Variants in DNAH17 observed in about 807,000 individuals in gnomAD.
DNAH17 encodes the protein axonemal beta dynein heavy chain 17.
DNAH17 carries 376 observed loss-of-function variants against 485.6 expected under a neutral mutation model. That is an observed-to-expected ratio of 0.77 (90% CI 0.71 to 0.84). The LOEUF is 0.84. Among genes scored for constraint, DNAH17 ranks in the 40% least tolerant of loss-of-function variants. The pLI is 0.00. For missense variants in DNAH17, 6,370 were observed against 5,839.3 expected (o/e 1.09, Z -2.96); for synonymous variants, 3,031 against 2,405.9 (o/e 1.26, Z -7.60).
chr17:78,461,385 G>A (rs1336979820), intron 58 of DNAH17, among the ~76,000 whole-genome samples, 159 bp downstream of exon 58: 1 of 152,206 alleles, frequency 6.6e-6, no homozygotes, highest in Non-Finnish European at 1.5e-5. Context: ...CCCTGGGAGA[G>A]ACTCCTTCGG....
intron 37 of DNAH17, among the ~76,000 whole-genome samples, chr17:78,497,501 T>C (rs937584832): frequency 2.0e-5 from 3 of 152,210 alleles, no homozygotes; most frequent in African/African-American, 7.2e-5. Flanking sequence ...GAACATTCAG[T>C]GCCCAGAGTA....
At chr17:78,431,001 C>A (rs530146341) in intron 75 of DNAH17, among the ~76,000 whole-genome samples, 137 of 152,178 alleles carry the variant, frequency 9.0e-4, no homozygotes, top group Non-Finnish European at 1.3e-3. Context: ...CCACTTCAGC[C>A]TCCCAAGTAG....
At chr17:78,501,457 T>TGGCC (rs1307737877) in intron 34 of DNAH17, 113 bp from the exon 35 acceptor site, 1 of 1,315,332 alleles carries the variant, frequency 7.6e-7, no homozygotes, top group African/African-American at 1.5e-5. Context: ...GAACCCTCCC[T>TGGCC]GGCCCTCTTT....
In DNAH17 at chr17:78,459,811, A is replaced by G; in HGVS notation, c.9626T>C (p.Ile3209Thr). 1 of 1,614,004 alleles carries G rather than the reference A, an allele frequency of 6.2e-7. No homozygotes were observed. The highest frequency in any genetic ancestry group is 8.5e-7 in the Non-Finnish European group (1 of 1,179,890). ...DSLKKFDKEH[I>T]PEACLKAFKP... Reference sequence around the variant, plus strand: ...GAAGGCCTTCAGGCAGGCCTCAGGGATGTGCTCCTTGTCGAACTTCTTCAG... The same window carrying G: ...GAAGGCCTTCAGGCAGGCCTCAGGGGTGTGCTCCTTGTCGAACTTCTTCAG... The change falls in exon 60 of 81, where the codon ATC (isoleucine) becomes ACC (threonine). Residue 3209 changes from isoleucine (I) to threonine (T), a missense_variant. By Grantham distance (89) the Ile-to-Thr change is moderately conservative. Coordinates refer to ENST00000389840, the MANE Select transcript of DNAH17 (RefSeq NM_173628.4).
Position 78,491,452 on chromosome 17 carries a change from A to G in DNAH17, c.6660T>C (p.Asp2220=), listed in dbSNP as rs114529739. 2.3e-4 allele frequency: 366 copies of G among 1,612,948 alleles called. 4 individuals are homozygous for G. The African/African-American group carries it at 4.7e-3, about 21-fold the overall frequency. Residue 2220 remains aspartate, a synonymous_variant, in exon 43 of 81, where the codon GAT becomes GAC. Coordinates refer to ENST00000389840, the MANE Select transcript of DNAH17 (RefSeq NM_173628.4). ...TCCAGGGCCCGCGAACCTTGTTGTC[A>G]TCCATGACTGTGTTGAGAGACTCGA... is the stretch of plus-strand genomic sequence containing the variant. ...MWIESLNTVM[D]DNKVLTLASN...
chr17:78,544,674 C>G (rs145911799), intron 16 of DNAH17, among the ~76,000 whole-genome samples: 6 of 152,050 alleles, frequency 3.9e-5, no homozygotes, highest in African/African-American at 1.4e-4. Flanking sequence ...TGGTGGCGGG[C>G]ACCTGTAGTC....
intron 49 of DNAH17, 40 bp from the exon 50 acceptor site, chr17:78,479,672 TGGGGACCTGCCTG>T: frequency 6.2e-7 from 1 of 1,607,732 alleles, no homozygotes; most frequent in Non-Finnish European, 8.5e-7. Context: ...AGCCAGCTCT[TGGGGACCTGCCTG>T]GGGCCAGGGC....
chr17:78,531,417 C>A (rs543814529), intron 20 of DNAH17, among the ~76,000 whole-genome samples: 207 of 148,148 alleles, frequency 1.4e-3, no homozygotes, highest in African/African-American at 5.1e-3. Context: ...TGACTCACTG[C>A]AAGCTCCGCC....
intron 36 of DNAH17, 115 bp downstream of exon 36, chr17:78,500,190 A>T: frequency 2.4e-6 from 3 of 1,226,944 alleles, no homozygotes; most frequent in Non-Finnish European, 3.3e-6. Context: ...CTCCAGTGCC[A>T]TTCACAGGTA....
chr17:78,469,017 G>C, intron 54 of DNAH17, 134 bp from the exon 55 acceptor site: 1 of 1,142,650 alleles, frequency 8.8e-7, no homozygotes, highest in Non-Finnish European at 1.2e-6. Context: ...AGGCTGGAGT[G>C]CAATGGCACA....
At chr17:78,563,917 T>TCC (rs1323927558) in intron 11 of DNAH17, among the ~76,000 whole-genome samples, 1 of 151,938 alleles carries the variant, frequency 6.6e-6, no homozygotes, top group African/African-American at 2.4e-5. Context: ...CCTGCCTCCC[T>TCC]CCCCTCCGCT....
Position 78,543,897 on chromosome 17 carries a change from GC to G in DNAH17, c.2491del (p.Ala831GlnfsTer7). The G allele has an allele frequency of 6.2e-7, 1 of 1,614,046 alleles. No homozygotes were observed. The highest frequency in any genetic ancestry group is 8.5e-7 in the Non-Finnish European group (1 of 1,179,896). On this transcript the variant is annotated frameshift_variant, in exon 17 of 81. Transcript: ENST00000389840. LOFTEE classifies it high-confidence loss of function. ...RIANLNKRYA[A>X]VRDAGVKIQA... is the part of the protein sequence containing the mutation. Reference sequence around the variant, plus strand: ...GATCTTCACTCCAGCATCCCTGACTGCTGCGTAGCGCTTGTTGAGGTTGGCA... The same window carrying G: ...GATCTTCACTCCAGCATCCCTGACTGTGCGTAGCGCTTGTTGAGGTTGGCA...
At chr17:78,519,636 G>C (rs768902808) in intron 25 of DNAH17, among the ~76,000 whole-genome samples, 19 of 152,220 alleles carry the variant, frequency 1.2e-4, no homozygotes, top group Non-Finnish European at 2.4e-4. Context: ...CTAGAGGATA[G>C]TATGGAACTA....
intron 25 of DNAH17, among the ~76,000 whole-genome samples, chr17:78,524,699 T>A (rs1019587795): frequency 2.2e-4 from 33 of 150,770 alleles, no homozygotes; most frequent in African/African-American, 7.8e-4. Context: ...CTTAAAAAAA[T>A]TTCTTTAAAA....
chr17:78,442,782 C>A (rs1356878784), intron 71 of DNAH17, among the ~76,000 whole-genome samples: 1 of 152,180 alleles, frequency 6.6e-6, no homozygotes, highest in Non-Finnish European at 1.5e-5. Context: ...ACATGCTGTG[C>A]GTCAGGGTTT....
At chr17:78,450,076 G>T in intron 68 of DNAH17, 178 bp downstream of exon 68, 1 of 674,128 alleles carries the variant, frequency 1.5e-6, no homozygotes, top group Non-Finnish European at 2.5e-6. Flanking sequence ...AATGGGTGTA[G>T]GACTGATGGG....
Position 78,543,964 on chromosome 17 carries a change from C to T in DNAH17, c.2425G>A (p.Asp809Asn), listed in dbSNP as rs1568229767. Reference sequence around the variant, plus strand: ...TCTAACAGGGCCTCTTTCTTATTGTCCTTTCTTTCAAACAGCGGGTTGGCC... The same window carrying T: ...TCTAACAGGGCCTCTTTCTTATTGTTCTTTCTTTCAAACAGCGGGTTGGCC... ...WSANPLFERK[D>N]NKKEALLDLD... is the part of the protein sequence containing the mutation. The change falls in exon 17 of 81, where the codon GAC (aspartate) becomes AAC (asparagine). Residue 809 changes from aspartate to asparagine, a missense_variant. Asp to Asn is a conservative substitution (Grantham distance 23, BLOSUM62 1). Coordinates refer to ENST00000389840, the MANE Select transcript of DNAH17 (RefSeq NM_173628.4). 2 of 1,614,032 alleles carry T rather than the reference C, an allele frequency of 1.2e-6. No individual in the cohort carries two copies. Among genetic ancestry groups the T allele is most frequent in the East Asian group, 2.2e-5 (1 of 44,888 alleles).
Position 78,484,902 on chromosome 17 carries a change from T to G in DNAH17, c.7615A>C (p.Thr2539Pro), listed in dbSNP as rs1161378312. 1 of 1,586,634 alleles carries G rather than the reference T, an allele frequency of 6.3e-7. No individual in the cohort carries two copies. The highest frequency in any genetic ancestry group is 2.3e-5 in the East Asian group (1 of 43,462). ...VDKYGTVAPH[T>P]LIRQHMDHRH... ...TGGTCCATGTGCTGCCGGATGAGGGTGTGCGGGGCCACCGTCCCATACTTG... is the reference window on the plus strand; with the variant it reads ...TGGTCCATGTGCTGCCGGATGAGGGGGTGCGGGGCCACCGTCCCATACTTG... The change falls in exon 48 of 81, where the codon ACC (threonine) becomes CCC (proline). Residue 2539 changes from threonine (T) to proline (P), a missense_variant. Coordinates refer to ENST00000389840, the MANE Select transcript of DNAH17 (RefSeq NM_173628.4).
In DNAH17 at chr17:78,468,675, T is replaced by C. The variant is rs2088603424; in HGVS notation, c.8720A>G (p.Asn2907Ser). 2 of 1,613,894 alleles carry C rather than the reference T, an allele frequency of 1.2e-6. No individual in the cohort carries two copies. The highest frequency in any genetic ancestry group is 1.7e-6 in the Non-Finnish European group (2 of 1,179,892). ...MRPQVKSLGM[N>S]DTRETCWKFF... ...CTTCCAACATGTTTCCCGAGTGTCATTCATGCCAAGGGACTTGACTTGGGG... is the reference window on the plus strand; with the variant it reads ...CTTCCAACATGTTTCCCGAGTGTCACTCATGCCAAGGGACTTGACTTGGGG... The change falls in exon 55 of 81, where the codon AAT (asparagine) becomes AGT (serine). Residue 2907 changes from asparagine to serine, a missense_variant. Transcript: ENST00000389840.
Sources: gnomAD v4.1 joint callset for allele counts (sites outside exome capture counted in the v4.1 genomes callset) on GRCh38, gnomAD v4.1.1 for gene constraint, MANE v1.5 for transcripts, NCBI Gene and HGNC (gene_info 2026-07-23, HGNC 2026-07-21) for gene names.